The following ADAMTSL1 variants were observed in gnomAD, a reference collection of about 807,000 sequenced individuals.
The protein encoded by ADAMTSL1 is ADAMTS-like protein 1.
ADAMTSL1 carries 126 observed loss-of-function variants against 201.8 expected under a neutral mutation model. That is an observed-to-expected ratio of 0.62 (90% CI 0.54 to 0.72). The LOEUF (loss-of-function observed/expected upper bound fraction) is 0.72, where lower values mean the gene tolerates loss of function less well. ADAMTSL1 is among the 30% of genes least tolerant of loss of function. The pLI is 0.00. For synonymous variants in ADAMTSL1, 1,121 were observed against 903.4 expected, an observed-to-expected ratio of 1.24 and a Z score of -4.32; for missense variants, 2,679 against 2,277.8, an observed-to-expected ratio of 1.18 and a Z score of -3.59.
chr9:18,193,664 C>G (rs915541103), intron 2 of ADAMTSL1, among the ~76,000 whole-genome samples: 4 of 152,094 alleles, frequency 2.6e-5, no homozygotes, highest in Non-Finnish European at 5.9e-5. Context: ...CAATTTGTCA[C>G]ACTCATCAAA....
intron 20 of ADAMTSL1, among the ~76,000 whole-genome samples, chr9:18,797,346 C>T (rs891650361): frequency 1.3e-5 from 2 of 152,252 alleles, no homozygotes; most frequent in South Asian, 4.1e-4. Flanking sequence ...TTATCATCCA[C>T]ACCTGTGCCA....
chr9:18,287,350 CACAT>C (rs938730584), intron 2 of ADAMTSL1, among the ~76,000 whole-genome samples: 4 of 151,360 alleles, frequency 2.6e-5, no homozygotes, highest in Admixed American at 2.0e-4. Context: ...TGTATATATA[CACAT>C]ACATACATAT....
intron 23 of ADAMTSL1, among the ~76,000 whole-genome samples, chr9:18,849,691 C>T (rs546304082): frequency 2.6e-5 from 4 of 152,292 alleles, no homozygotes; most frequent in Admixed American, 2.6e-4. Flanking sequence ...CACAAGTCAG[C>T]ATCTGTTTCC....
chr9:18,236,307 C>T (rs1830846490), intron 2 of ADAMTSL1, among the ~76,000 whole-genome samples: 1 of 152,122 alleles, frequency 6.6e-6, no homozygotes, highest in African/African-American at 2.4e-5. Flanking sequence ...AATGCCTGAC[C>T]CCGTGAACCA....
chr9:18,633,897 A>G (rs1217388875), intron 5 of ADAMTSL1, among the ~76,000 whole-genome samples: 1 of 148,294 alleles, frequency 6.7e-6, no homozygotes, highest in African/African-American at 2.5e-5. Context: ...TGGAGAGTTG[A>G]AACACTATTT....
chr9:18,562,498 G>T (rs930279940), intron 3 of ADAMTSL1, among the ~76,000 whole-genome samples: 1 of 152,042 alleles, frequency 6.6e-6, no homozygotes, highest in Non-Finnish European at 1.5e-5. Context: ...ATGTGTCTTG[G>T]GGTTGCTCTT....
rs549284016 is a variant in ADAMTSL1 at position 18,251,073 on chromosome 9, G to T, written c.207+87092G>T. On this transcript the variant is annotated intron_variant, in intron 2 of 29. Coordinates refer to the ADAMTSL1 transcript ENST00000680146. Reference sequence around the variant, plus strand: ...CAGAACTGTCAGGAAGATGTAATTAGGGTACCAAAATTTAACTCTAAAACT... The same window carrying T: ...CAGAACTGTCAGGAAGATGTAATTATGGTACCAAAATTTAACTCTAAAACT... Among the ~76,000 whole-genome samples the T allele has an allele frequency of 3.2e-4, 48 of 151,966 alleles. 1 individual carries two copies. The highest frequency in any genetic ancestry group is 1.1e-3 in the African/African-American group (44 of 41,428).
intron 2 of ADAMTSL1, among the ~76,000 whole-genome samples, chr9:18,445,492 C>G (rs954234747): frequency 3.9e-5 from 6 of 152,026 alleles, no homozygotes; most frequent in Admixed American, 6.6e-5. Context: ...ATTTACAAAA[C>G]AGGTAGTTAA....
chr9:17,929,900 G>C (rs1826708820), intron 1 of ADAMTSL1, among the ~76,000 whole-genome samples: 1 of 152,044 alleles, frequency 6.6e-6, no homozygotes. Context: ...TTGTACACAT[G>C]AGGCCAGGGA....
At chr9:18,048,639 A>G (rs1821781516) in intron 1 of ADAMTSL1, among the ~76,000 whole-genome samples, 1 of 152,214 alleles carries the variant, frequency 6.6e-6, no homozygotes, top group Non-Finnish European at 1.5e-5. Flanking sequence ...AAATTATTCT[A>G]AAATAAAGTT....
chr9:18,153,762 T>C (rs1162624211), intron 1 of ADAMTSL1, among the ~76,000 whole-genome samples: 2 of 152,030 alleles, frequency 1.3e-5, no homozygotes, highest in Non-Finnish European at 2.9e-5. Flanking sequence ...TACCAAAACA[T>C]GTATAGAATA....
At chr9:18,543,821 T>G (rs1820312360) in intron 3 of ADAMTSL1, among the ~76,000 whole-genome samples, 1 of 152,246 alleles carries the variant, frequency 6.6e-6, no homozygotes, top group Non-Finnish European at 1.5e-5. Context: ...CCAGCCCCAG[T>G]AAGTTAGGCC....
At chr9:18,719,806 G>C (rs1283426295) in intron 14 of ADAMTSL1, among the ~76,000 whole-genome samples, 1 of 152,202 alleles carries the variant, frequency 6.6e-6, no homozygotes, top group Non-Finnish European at 1.5e-5. Flanking sequence ...GGAAGTATTA[G>C]CTGATGATTG....
intron 3 of ADAMTSL1, among the ~76,000 whole-genome samples, chr9:18,571,508 C>T (rs970847202): frequency 3.9e-5 from 6 of 152,168 alleles, no homozygotes; most frequent in Non-Finnish European, 7.4e-5. Context: ...ATGATAGGTA[C>T]TATCAAACGA....
At chr9:18,317,614 CCAAGGTTTG>C (rs1219014591) in intron 2 of ADAMTSL1, among the ~76,000 whole-genome samples, 1 of 152,194 alleles carries the variant, frequency 6.6e-6, no homozygotes, top group Non-Finnish European at 1.5e-5. Context: ...TCATGTGCAG[CCAAGGTTTG>C]GCTGAAAGCC....
At chr9:18,153,365 A>G (rs746485786) in intron 1 of ADAMTSL1, among the ~76,000 whole-genome samples, 1 of 152,070 alleles carries the variant, frequency 6.6e-6, no homozygotes, top group Non-Finnish European at 1.5e-5. Context: ...AGATTAGATG[A>G]CTTCTAAGCC....
At chr9:17,954,607 GA>G (rs2131381300) in intron 1 of ADAMTSL1, among the ~76,000 whole-genome samples, 1 of 152,286 alleles carries the variant, frequency 6.6e-6, no homozygotes, top group South Asian at 2.1e-4. Context: ...GTAACTTGGT[GA>G]GGCATGGAAG....
In ADAMTSL1 at chr9:18,826,322, A is replaced by C; in HGVS notation, c.3973A>C (p.Ser1325Arg). The C allele has an allele frequency of 1.2e-6, 2 of 1,613,376 alleles. No homozygotes were observed. The highest frequency in any genetic ancestry group is 1.7e-6 in the Non-Finnish European group (2 of 1,179,734). The change falls in exon 22 of 29, where the codon AGC (serine) becomes CGC (arginine). Residue 1325 changes from serine to arginine, a missense_variant. Ser to Arg is a moderately radical substitution (Grantham distance 110). Coordinates refer to ENST00000380548, the MANE Select transcript of ADAMTSL1 (RefSeq NM_001040272.6). ...EAEVTWFRNK[S>R]KLGSPHHLHE... ...TGAAGTCACTTGGTTCAGGAATAAA[A>C]GCAAACTGGGCTCCCCGCACCATCT...
chr9:18,270,596 A>G (rs574298417), intron 2 of ADAMTSL1, among the ~76,000 whole-genome samples: 39 of 152,330 alleles, frequency 2.6e-4, no homozygotes, highest in African/African-American at 9.4e-4. Flanking sequence ...ATAATAATCC[A>G]GTCAGCCTAT....
Sources: allele counts gnomAD v4.1 joint callset (sites outside exome capture counted in the v4.1 genomes callset), GRCh38; gene constraint gnomAD v4.1.1; transcripts MANE v1.5; gene names NCBI Gene and HGNC (gene_info 2026-07-23, HGNC 2026-07-21).